NME7: variants seen among roughly 807,000 people sequenced by gnomAD.
NME7 encodes NME/NM23 family member 7.
Under a neutral mutation model 49.1 loss-of-function variants are expected in NME7, and 41 were observed. The observed-to-expected ratio is 0.83, with a 90% CI of 0.65 to 1.08. The LOEUF (loss-of-function observed/expected upper bound fraction) is 1.08. Ranked by LOEUF, NME7 falls within the 50% of genes least tolerant of loss-of-function variation. NME7 has a pLI of 0.00. For synonymous variants in NME7, 139 were observed against 150.6 expected, an observed-to-expected ratio of 0.92 and a Z score of 0.56; for missense variants, 423 against 463.4, an observed-to-expected ratio of 0.91 and a Z score of 0.80.
At chr1:169,133,200 T>A (rs1265859534) in intron 11 of NME7, among the ~76,000 whole-genome samples, 1 of 151,982 alleles carries the variant, frequency 6.6e-6, no homozygotes, top group African/African-American at 2.4e-5. Context: ...CCTAAGTCCT[T>A]ATTTAGCTGT....
At chr1:169,214,724 C>A in intron 10 of NME7, among the ~76,000 whole-genome samples, 1 of 152,312 alleles carries the variant, frequency 6.6e-6, no homozygotes, top group East Asian at 1.9e-4. Context: ...ATGCTCAATG[C>A]CTTGTGGGAG....
intron 9 of NME7, 84 bp downstream of exon 9, chr1:169,235,047 T>C: frequency 4.7e-6 from 3 of 637,004 alleles, no homozygotes; most frequent in Non-Finnish European, 5.1e-6. Flanking sequence ...ATTTGGGACC[T>C]AGTACAGGAG....
At chr1:169,161,489 AT>A (rs976011453) in intron 11 of NME7, among the ~76,000 whole-genome samples, 2 of 152,314 alleles carry the variant, frequency 1.3e-5, no homozygotes, top group African/African-American at 4.8e-5. Context: ...TTGATTCACT[AT>A]TTTTTCCCCC....
chr1:169,175,356 CT>C (rs1349540108), intron 10 of NME7, among the ~76,000 whole-genome samples: 2 of 152,142 alleles, frequency 1.3e-5, no homozygotes, highest in East Asian at 1.9e-4. Context: ...TTACAGTTAA[CT>C]TTTTTTCTAA....
chr1:169,244,675 A>G (rs1040434788), intron 7 of NME7, among the ~76,000 whole-genome samples: 3 of 151,808 alleles, frequency 2.0e-5, no homozygotes, highest in Admixed American at 6.6e-5. Context: ...TAAAAAGTAG[A>G]TGCATAGTAT....
Position 169,256,247 on chromosome 1 carries a change from G to A in NME7, c.755-18560C>T, listed in dbSNP as rs866592991. On this transcript the variant is annotated intron_variant, in intron 7 of 11. Transcript: ENST00000367811. ...TTTTCACATAGTCCCATATTTCTTG[G>A]AGGCTTTACTCATTTCTTTGTATTC... Among the ~76,000 whole-genome samples the A allele has an allele frequency of 1.5e-5, 2 of 132,990 alleles. 1 individual carries two copies. Among genetic ancestry groups the A allele is most frequent in the African/African-American group, 5.1e-5 (2 of 39,208 alleles). 87.2% of individuals were successfully genotyped at this position (132,990 alleles called of 152,430 possible). A position where few individuals can be genotyped will look rare whatever the true frequency, so the allele number is the denominator to read the frequency against.
chr1:169,328,723 G>A (rs1652153794), intron 1 of NME7, among the ~76,000 whole-genome samples: 1 of 151,900 alleles, frequency 6.6e-6, no homozygotes, highest in African/African-American at 2.4e-5. Context: ...TTACCTTTTG[G>A]GGAGTTCAAA....
chr1:169,353,210 G>A (rs758741440), intron 1 of NME7, among the ~76,000 whole-genome samples: 58 of 152,024 alleles, frequency 3.8e-4, no homozygotes, highest in African/African-American at 1.2e-3. Context: ...TAGATCAATG[G>A]AACAGAATAG....
intron 8 of NME7, among the ~76,000 whole-genome samples, chr1:169,235,551 G>A (rs948939073): frequency 6.6e-6 from 1 of 151,928 alleles, no homozygotes; most frequent in East Asian, 1.9e-4. Flanking sequence ...TGACCCCATT[G>A]ATAATACTTT....
In NME7 at chr1:169,160,813, T is replaced by G. The variant is rs535356324; in HGVS notation, c.1098+8634A>C. Among the ~76,000 whole-genome samples the G allele has an allele frequency of 8.5e-5, 13 of 152,338 alleles. No homozygotes were observed. In the South Asian group the frequency reaches 2.7e-3, roughly 32 times the overall value. The stretch of plus-strand genomic sequence containing the variant: ...GTTTGCTTGGGGATAGGCATTAATC[T>G]GGATTCATTCCCACAGGCTACCTTT... On this transcript the variant is annotated intron_variant, in intron 11 of 11. Coordinates refer to ENST00000367811, the MANE Select transcript of NME7 (RefSeq NM_013330.5).
chr1:169,247,730 T>TA lies in NME7; in HGVS notation c.755-10044dup, dbSNP rs1281464321. On this transcript the variant is annotated intron_variant, in intron 7 of 11. Transcript: ENST00000367811. ...TGGTTCCCACTTATAAGTGAGAACA[T>TA]ACGGTTTTTGGTTTTTCCATTCCTG... is the stretch of plus-strand genomic sequence containing the variant. 2.0e-4 allele frequency among the ~76,000 whole-genome samples: 31 copies of TA among 152,304 alleles called. 1 individual carries two copies. Among genetic ancestry groups the TA allele is most frequent in the Middle Eastern group, 3.4e-3 (1 of 294 alleles).
intron 9 of NME7, among the ~76,000 whole-genome samples, chr1:169,231,721 A>AT (rs748319771): frequency 1.3e-5 from 2 of 152,166 alleles, no homozygotes; most frequent in Non-Finnish European, 2.9e-5. Flanking sequence ...TATATGATAT[A>AT]TGGAGCATCA....
At chr1:169,272,958 G>C (rs1387042611) in intron 7 of NME7, among the ~76,000 whole-genome samples, 1 of 133,298 alleles carries the variant, frequency 7.5e-6, no homozygotes, top group African/African-American at 2.5e-5. Context: ...ACCAGCAACG[G>C]CTGTTTCTTG....
intron 1 of NME7, among the ~76,000 whole-genome samples, chr1:169,357,750 TG>T (rs1344736598): frequency 6.6e-6 from 1 of 152,118 alleles, no homozygotes; most frequent in Admixed American, 6.6e-5. Context: ...GCCGAATTTC[TG>T]AGTCTAAGTG....
At chr1:169,250,568 T>C (rs183620156) in intron 7 of NME7, among the ~76,000 whole-genome samples, 60 of 152,214 alleles carry the variant, frequency 3.9e-4, no homozygotes, top group African/African-American at 1.3e-3. Context: ...GATGTTAGGT[T>C]GTCAATTTAT....
At chr1:169,190,462 C>T (rs905863762) in intron 10 of NME7, among the ~76,000 whole-genome samples, 3 of 150,592 alleles carry the variant, frequency 2.0e-5, no homozygotes, top group Non-Finnish European at 4.4e-5. Context: ...AGTAGGCAAA[C>T]AAGAATAGTT....
At chr1:169,322,494 A>G (rs1181980760) in intron 3 of NME7, 2 of 152,062 alleles carry the variant, frequency 1.3e-5, no homozygotes, top group Non-Finnish European at 2.9e-5. Context: ...TGTGGGTCAC[A>G]CTCTGTGAAT....
At chr1:169,363,531 T>C (rs1005237028) in intron 1 of NME7, among the ~76,000 whole-genome samples, 1 of 152,220 alleles carries the variant, frequency 6.6e-6, no homozygotes, top group Non-Finnish European at 1.5e-5. Context: ...GAAACACTGC[T>C]GTACGTATAC....
chr1:169,296,345 C>A (rs1392453532), intron 6 of NME7, among the ~76,000 whole-genome samples: 1 of 152,088 alleles, frequency 6.6e-6, no homozygotes, highest in East Asian at 1.9e-4. Context: ...TATTTGACAC[C>A]ACTGGTCATT....
Sources: allele counts gnomAD v4.1 joint callset (sites outside exome capture counted in the v4.1 genomes callset), GRCh38; gene constraint gnomAD v4.1.1; transcripts MANE v1.5; gene names NCBI Gene and HGNC (gene_info 2026-07-23, HGNC 2026-07-21).